The following PLXNA4 variants were observed in gnomAD, a reference collection of about 807,000 sequenced individuals.
PLXNA4 encodes plexin-A4.
PLXNA4 carries 44 observed loss-of-function variants against 191.8 expected under a neutral mutation model. That is an observed-to-expected ratio of 0.23 (90% CI 0.18 to 0.29). The LOEUF (loss-of-function observed/expected upper bound fraction) is 0.29, where lower values mean the gene tolerates loss of function less well. Ranked by LOEUF, PLXNA4 falls within the 10% of genes least tolerant of loss-of-function variation. The pLI, the probability that PLXNA4 is intolerant of heterozygous loss-of-function variation, is 1.00. For missense variants in PLXNA4, 1,800 were observed against 2,488.8 expected (o/e 0.72, Z 5.89); for synonymous variants, 1,082 against 1,009.5 (o/e 1.07, Z -1.36).
At chr7:132,588,832 G>GGGAA (rs539236592) in intron 2 of PLXNA4, among the ~76,000 whole-genome samples, 1 of 148,830 alleles carries the variant, frequency 6.7e-6, no homozygotes, top group African/African-American at 2.5e-5. Flanking sequence ...AGAGGAAGGA[G>GGGAA]GGAAGGAAGG....
intron 3 of PLXNA4, among the ~76,000 whole-genome samples, chr7:132,364,536 G>A (rs1563058425): frequency 1.3e-5 from 2 of 152,280 alleles, no homozygotes; most frequent in Non-Finnish European, 2.9e-5. Context: ...AGCTCGACAG[G>A]CTCTTCCTTT....
intron 3 of PLXNA4, among the ~76,000 whole-genome samples, chr7:132,354,338 T>C (rs1406654139): frequency 2.0e-5 from 3 of 152,176 alleles, no homozygotes; most frequent in African/African-American, 7.2e-5. Context: ...TGAAACCCAC[T>C]GGGGTCTAAA....
intron 3 of PLXNA4, among the ~76,000 whole-genome samples, chr7:132,452,861 C>T (rs1796173653): frequency 6.6e-6 from 1 of 152,226 alleles, no homozygotes; most frequent in Non-Finnish European, 1.5e-5. Flanking sequence ...GGTCACCACA[C>T]ACCAATTATT....
intron 3 of PLXNA4, among the ~76,000 whole-genome samples, chr7:132,460,588 T>C (rs1226244967): frequency 6.6e-6 from 1 of 152,050 alleles, no homozygotes; most frequent in African/African-American, 2.4e-5. Flanking sequence ...CAACTGGAGA[T>C]CAGGCCACCA....
intron 1 of PLXNA4, among the ~76,000 whole-genome samples, chr7:132,528,015 C>T (rs1361669879): frequency 3.9e-5 from 6 of 152,216 alleles, no homozygotes; most frequent in Admixed American, 1.3e-4. Context: ...CAGGTCTCCA[C>T]TGAAAAAGCA....
At chr7:132,237,573 G>A (rs10231824) in intron 5 of PLXNA4, among the ~76,000 whole-genome samples, 56,570 of 151,840 alleles carry the variant, frequency 0.37, 10,957 homozygotes, top group East Asian at 0.59. Flanking sequence ...GAAGAGTTGG[G>A]CTTTACCAGA....
At chr7:132,402,271 G>A (rs1794016418) in intron 3 of PLXNA4, among the ~76,000 whole-genome samples, 1 of 152,140 alleles carries the variant, frequency 6.6e-6, no homozygotes, top group South Asian at 2.1e-4. Context: ...CATCAGACAG[G>A]ATCAGTGACA....
intron 4 of PLXNA4, among the ~76,000 whole-genome samples, chr7:132,256,888 G>A (rs1292340134): frequency 6.6e-6 from 1 of 152,176 alleles, no homozygotes; most frequent in Non-Finnish European, 1.5e-5. Flanking sequence ...ACAGGGACAG[G>A]GTGGGGGTGA....
rs1357644499 is a variant in PLXNA4, at chr7:132,211,036, A to C, written c.2205T>G (p.Arg735=). The C allele has an allele frequency of 6.2e-7, 1 of 1,613,836 alleles. No individual in the cohort carries two copies. The highest frequency in any genetic ancestry group is 1.3e-5 in the African/African-American group (1 of 74,924). The change falls in exon 10 of 32, where the codon CGT becomes CGG. Residue 735 remains arginine, a synonymous_variant. Coordinates refer to ENST00000321063, the MANE Select transcript of PLXNA4 (RefSeq NM_020911.2). ...KNLPQPQSGQ[R]GYECILNIQG... is the part of the protein sequence containing the mutation. ...GAATGTTGAGGATGCATTCGTAGCC[A>C]CGCTGCCCAGACTGGGGCTGGGGGA...
At chr7:132,287,403 A>G (rs1231253324) in intron 4 of PLXNA4, among the ~76,000 whole-genome samples, 2 of 152,220 alleles carry the variant, frequency 1.3e-5, no homozygotes, top group Non-Finnish European at 2.9e-5. Context: ...CACTTTACAT[A>G]TATTAACTTC....
intron 28 of PLXNA4, among the ~76,000 whole-genome samples, chr7:132,146,079 C>CAAAAA (rs67412588): frequency 5.3e-3 from 258 of 48,848 alleles, no homozygotes; most frequent in East Asian, 8.1e-3. Context: ...GACTCTGTCT[C>CAAAAA]AAAAAAAAAA....
chr7:132,557,550 A>T (rs539078272), intron 1 of PLXNA4, among the ~76,000 whole-genome samples: 114 of 48,364 alleles, frequency 2.4e-3, no homozygotes, highest in South Asian at 0.015. Flanking sequence ...TCTTTTTTTT[A>T]AAAAAAAAAA....
At chr7:132,425,823 G>T (rs1795019301) in intron 3 of PLXNA4, among the ~76,000 whole-genome samples, 1 of 152,218 alleles carries the variant, frequency 6.6e-6, no homozygotes, top group Non-Finnish European at 1.5e-5. Flanking sequence ...TCGAGGTGGG[G>T]GCGGGAGCTG....
chr7:132,289,553 G>A (rs1800808916), intron 4 of PLXNA4, among the ~76,000 whole-genome samples: 1 of 151,784 alleles, frequency 6.6e-6, no homozygotes, highest in East Asian at 1.9e-4. Context: ...TTTTTTTAGA[G>A]AAGTCATCTC....
rs778334088 is a variant in PLXNA4, at chr7:132,174,820, C to T, written c.3975G>A (p.Leu1325=). ...LDYRTYTMRV[L]FPGIEDHPVL... ...CAGGGTGGTCTTCAATTCCTGGGAA[C>T]AGCACCCGCATGGTGTAAGTTCTAT... is the stretch of plus-strand genomic sequence containing the variant. The change falls in exon 21 of 32, where the codon CTG becomes CTA. Residue 1325 remains leucine, a synonymous_variant. Transcript: ENST00000321063. 2 of 1,614,152 alleles carry T rather than the reference C, an allele frequency of 1.2e-6. No individual in the cohort carries two copies. Among genetic ancestry groups the T allele is most frequent in the Admixed American group, 1.7e-5 (1 of 60,026 alleles).
Position 132,187,454 on chromosome 7 carries a change from G to A in PLXNA4, c.2993+17C>T. The A allele has an allele frequency of 1.2e-6, 2 of 1,608,486 alleles. No homozygotes were observed. The highest frequency in any genetic ancestry group is 1.1e-5 in the South Asian group (1 of 90,370). ...CTTTCCCTCTCTGGTGCTGCAGAAA[G>A]GGGCCCTCTGAGTTACCTGTGGAAG... On this transcript the variant is annotated intron_variant, in intron 15 of 31. Coordinates refer to ENST00000321063, the MANE Select transcript of PLXNA4 (RefSeq NM_020911.2).
At position 132,126,610 on chromosome 7, in the gene PLXNA4, CAG is replaced by C. The variant is rs1794774968; in HGVS notation, c.*3867_*3868del. On this transcript the variant is annotated 3_prime_UTR_variant, in exon 32 of 32. Transcript: ENST00000321063. ...GTAGCTGGGCCTGAGGGGACCAGGTCAGAGACTTTTCCTGTGGGTAACTCCTG... is the reference window on the plus strand; with the variant it reads ...GTAGCTGGGCCTGAGGGGACCAGGTCAGACTTTTCCTGTGGGTAACTCCTG... The C allele has an allele frequency of 6.6e-6, 1 of 152,276 alleles. No individual in the cohort carries two copies. The highest frequency in any genetic ancestry group is 2.4e-5 in the African/African-American group (1 of 41,428). The allele number at this position is 152,276 out of a possible 1,614,324, so 9.4% of individuals were successfully genotyped here.
intron 14 of PLXNA4, among the ~76,000 whole-genome samples, chr7:132,190,361 G>A (rs1424410640): frequency 1.3e-5 from 2 of 152,186 alleles, no homozygotes; most frequent in Admixed American, 1.3e-4. Context: ...TAGCACACAG[G>A]CTCATTATAA....
chr7:132,331,237 G>A (rs1318116461), intron 3 of PLXNA4, among the ~76,000 whole-genome samples: 1 of 152,386 alleles, frequency 6.6e-6, no homozygotes, highest in African/African-American at 2.4e-5. Context: ...GAGAGCAGGA[G>A]GAAGATGGAT....
Sources: gnomAD v4.1 joint callset for allele counts (sites outside exome capture counted in the v4.1 genomes callset) on GRCh38, gnomAD v4.1.1 for gene constraint, MANE v1.5 for transcripts, NCBI Gene and HGNC (gene_info 2026-07-23, HGNC 2026-07-21) for gene names.